PHF24: variants seen among roughly 807,000 people sequenced by gnomAD.
PHF24 encodes PHD finger protein 24.
Under a neutral mutation model 42.6 loss-of-function variants are expected in PHF24, and 25 were observed. The ratio of observed to expected loss-of-function variants is 0.59; its 90% CI spans 0.43 to 0.82. The LOEUF (loss-of-function observed/expected upper bound fraction) is 0.82. Among genes scored for constraint, PHF24 ranks in the 40% least tolerant of loss-of-function variants. PHF24 has a pLI of 0.00. For synonymous variants in PHF24, 185 were observed against 204.8 expected (o/e 0.90, Z 0.83); for missense variants, 470 against 538.1 (o/e 0.87, Z 1.25).
the PHF24 span, among the ~76,000 whole-genome samples, chr9:34,765,989 G>T: frequency 2.0e-5 from 3 of 151,766 alleles, no homozygotes; most frequent in East Asian, 5.8e-4. Context: ...TGAAATTCTG[G>T]GTTGAAAATT....
chr9:34,847,607 A>G, the PHF24 span, among the ~76,000 whole-genome samples: 1 of 151,542 alleles, frequency 6.6e-6, no homozygotes, highest in East Asian at 1.9e-4. Flanking sequence ...TCTCCTGCCT[A>G]ATTGCCCTGG....
the PHF24 span, among the ~76,000 whole-genome samples, chr9:34,928,462 T>G: frequency 6.6e-6 from 1 of 152,158 alleles, no homozygotes; most frequent in Non-Finnish European, 1.5e-5. Flanking sequence ...TTAAAAATTT[T>G]TTTAAAACCC....
At chr9:34,853,299 C>A in the PHF24 span, among the ~76,000 whole-genome samples, 2 of 152,248 alleles carry the variant, frequency 1.3e-5, no homozygotes, top group South Asian at 2.1e-4. Flanking sequence ...ACCTTGCATC[C>A]TGGGGATGAA....
chr9:34,666,381 GCCTTCCT>G, the PHF24 span, among the ~76,000 whole-genome samples: 6 of 152,136 alleles, frequency 3.9e-5, no homozygotes, highest in East Asian at 1.9e-4. Context: ...TCTCTTGCCT[GCCTTCCT>G]CCCCTTGTAT....
the PHF24 span, among the ~76,000 whole-genome samples, chr9:34,688,998 A>T: frequency 6.6e-6 from 1 of 152,220 alleles, no homozygotes; most frequent in Admixed American, 6.5e-5. Flanking sequence ...GCCTGGGGTC[A>T]GGGAAGGCTT....
At chr9:34,893,828 G>A in the PHF24 span, among the ~76,000 whole-genome samples, 33 of 152,234 alleles carry the variant, frequency 2.2e-4, no homozygotes, top group African/African-American at 6.0e-4. Context: ...GTTAGAACCC[G>A]GATCAGTCTC....
the PHF24 span, among the ~76,000 whole-genome samples, chr9:34,702,015 C>G: frequency 6.6e-6 from 1 of 152,092 alleles, no homozygotes; most frequent in African/African-American, 2.4e-5. Flanking sequence ...CCACTCATTA[C>G]GGGGCCAACG....
chr9:34,896,553 G>A, the PHF24 span, among the ~76,000 whole-genome samples: 1 of 152,156 alleles, frequency 6.6e-6, no homozygotes, highest in Non-Finnish European at 1.5e-5. Flanking sequence ...CCTATTCATG[G>A]AGATGAGTTA....
At chr9:34,673,464 G>T in the PHF24 span, among the ~76,000 whole-genome samples, 35 of 150,028 alleles carry the variant, frequency 2.3e-4, no homozygotes, top group Non-Finnish European at 3.7e-4. Context: ...AAGCTTTTTT[G>T]TTGTTGTTGT....
At chr9:34,939,158 T>A in the PHF24 span, among the ~76,000 whole-genome samples, 1 of 151,994 alleles carries the variant, frequency 6.6e-6, no homozygotes, top group African/African-American at 2.4e-5. Flanking sequence ...CGCATGCCTG[T>A]AATCCCAGCT....
At chr9:34,682,347 A>G in the PHF24 span, among the ~76,000 whole-genome samples, 3 of 151,990 alleles carry the variant, frequency 2.0e-5, no homozygotes, top group African/African-American at 7.3e-5. Flanking sequence ...TCTGTTGTTT[A>G]AGCTACACAG....
chr9:34,785,232 T>C, the PHF24 span, among the ~76,000 whole-genome samples: 3 of 152,222 alleles, frequency 2.0e-5, no homozygotes, highest in Non-Finnish European at 4.4e-5. Context: ...ACAAATGCTG[T>C]GTCCTCACAT....
chr9:34,727,944 A>G, the PHF24 span: 1 of 1,331,694 alleles, frequency 7.5e-7, no homozygotes, highest in Non-Finnish European at 1.0e-6. Context: ...CTTTCTCCTT[A>G]GTCCTGCCCC....
At chr9:34,890,336 C>T in the PHF24 span, among the ~76,000 whole-genome samples, 112 of 152,322 alleles carry the variant, frequency 7.4e-4, no homozygotes, top group Non-Finnish European at 1.4e-3. Context: ...ACTGTTTTCT[C>T]TGCTGGGGTA....
At chr9:34,807,833 T>C in the PHF24 span, among the ~76,000 whole-genome samples, 1 of 152,146 alleles carries the variant, frequency 6.6e-6, no homozygotes, top group Admixed American at 6.5e-5. Context: ...AAAGAGATGG[T>C]AATTAGACTT....
At chr9:34,731,004 C>T in the PHF24 span, among the ~76,000 whole-genome samples, 1 of 152,160 alleles carries the variant, frequency 6.6e-6, no homozygotes, top group Non-Finnish European at 1.5e-5. Flanking sequence ...ATCCCTAAGA[C>T]TATTTTTTTT....
chr9:34,697,512 G>C, the PHF24 span, among the ~76,000 whole-genome samples: 1 of 152,204 alleles, frequency 6.6e-6, no homozygotes, highest in Non-Finnish European at 1.5e-5. Context: ...TAGAGATGGG[G>C]TTTCATCATG....
the PHF24 span, among the ~76,000 whole-genome samples, chr9:34,848,603 A>G: frequency 6.6e-6 from 1 of 151,200 alleles, no homozygotes; most frequent in Non-Finnish European, 1.5e-5. Context: ...TATTTCCTTC[A>G]GTTCTGCTCT....
chr9:34,963,137 C>T (rs1464771603), intron 1 of PHF24, among the ~76,000 whole-genome samples: 1 of 152,124 alleles, frequency 6.6e-6, no homozygotes, highest in African/African-American at 2.4e-5. Flanking sequence ...TAGGAACAGG[C>T]TCCAAGAGCA....
Sources: gnomAD v4.1 joint callset for allele counts (sites outside exome capture counted in the v4.1 genomes callset) on GRCh38, gnomAD v4.1.1 for gene constraint, MANE v1.5 for transcripts, NCBI Gene and HGNC (gene_info 2026-07-23, HGNC 2026-07-21) for gene names.